The following MACF1 variants were observed in gnomAD, a reference collection of about 807,000 sequenced individuals.
MACF1 encodes microtubule-actin cross-linking factor 1.
A neutral mutation model predicts 854.8 loss-of-function variants in MACF1; 193 were observed. The ratio of observed to expected loss-of-function variants is 0.23; its 90% CI spans 0.20 to 0.25. The LOEUF is 0.25. Ranked by LOEUF, MACF1 falls within the 10% of genes least tolerant of loss-of-function variation. The pLI, the probability that MACF1 is intolerant of heterozygous loss-of-function variation, is 1.00. For synonymous variants in MACF1, 3,185 were observed against 3,226.7 expected, an observed-to-expected ratio of 0.99 and a Z score of 0.44; for missense variants, 7,722 against 8,929.1, an observed-to-expected ratio of 0.86 and a Z score of 5.45.
chr1:39,103,061 TG>T, intron 2 of MACF1: 1 of 664,668 alleles, frequency 1.5e-6, no homozygotes, highest in East Asian at 2.9e-5. Flanking sequence ...ATGCAAATTT[TG>T]TCAAGAAAGC....
At chr1:39,399,371 CTTTTT>C (rs1330401656) in intron 58 of MACF1, among the ~76,000 whole-genome samples, 1 of 96,744 alleles carries the variant, frequency 1.0e-5, no homozygotes, top group Non-Finnish European at 1.9e-5. Flanking sequence ...CTTTATAAAG[CTTTTT>C]TTTTTTTTTT....
rs777293053 is a variant in MACF1, at chr1:39,479,922, T to C, written c.22083T>C (p.Pro7361=). The C allele has an allele frequency of 4.3e-6, 7 of 1,614,108 alleles. No homozygotes were observed. In the African/African-American group the frequency reaches 9.3e-5, roughly 22 times the overall value. The change falls in exon 98 of 101, where the codon CCT becomes CCC. Residue 7361 remains proline, a synonymous_variant. Coordinates refer to ENST00000564288, the MANE Select transcript of MACF1 (RefSeq NM_001394062.1). ...RSKPSSRAAS[P]TRSSSSASQS... is the part of the protein sequence containing the mutation. ...AACCATCTTCCCGGGCAGCTTCCCCTACTCGTTCCAGCTCCAGTGCTAGTC... is the reference window on the plus strand; with the variant it reads ...AACCATCTTCCCGGGCAGCTTCCCCCACTCGTTCCAGCTCCAGTGCTAGTC...
intron 2 of MACF1, among the ~76,000 whole-genome samples, chr1:39,134,559 G>C (rs1366986034): frequency 6.6e-6 from 1 of 152,070 alleles, no homozygotes; most frequent in African/African-American, 2.4e-5. Context: ...GGGTCTTACT[G>C]GCTCTGTGGT....
At chr1:39,381,355 C>CAT in intron 55 of MACF1, among the ~76,000 whole-genome samples, 1 of 106,790 alleles carries the variant, frequency 9.4e-6, no homozygotes, top group African/African-American at 3.5e-5. Context: ...CCATGCCTGG[C>CAT]CTTTTTTTTT....
chr1:39,305,787 A>C (rs1048841057), intron 23 of MACF1, among the ~76,000 whole-genome samples: 1 of 152,198 alleles, frequency 6.6e-6, no homozygotes, highest in Non-Finnish European at 1.5e-5. Context: ...TCACACACAG[A>C]CAGCATATTC....
intron 2 of MACF1, among the ~76,000 whole-genome samples, chr1:39,175,868 A>C (rs1392976392): frequency 1.4e-5 from 2 of 147,316 alleles, no homozygotes; most frequent in Non-Finnish European, 3.0e-5. Context: ...GAGGCCAAGG[A>C]GGGTGGATCA....
Position 39,331,241 on chromosome 1 carries a change from A to G in MACF1, c.4653A>G (p.Thr1551=). 2 of 1,586,022 alleles carry G rather than the reference A, an allele frequency of 1.3e-6. No individual in the cohort carries two copies. The highest frequency in any genetic ancestry group is 2.3e-5 in the East Asian group (1 of 43,660). ...TTGCTGGGGTGATTGACCTAGGCAC[A>G]GTGGAGATATTTCCCATCTTCAAAG... ...RAVAGVIDLG[T]VEIFPIFKAM... is the part of the protein sequence containing the mutation. The change falls in exon 37 of 101, where the codon ACA becomes ACG. Residue 1551 remains threonine (T), a synonymous_variant. Transcript: ENST00000564288.
At position 39,197,656 on chromosome 1, in the gene MACF1, G is replaced by A. The variant is rs189636922; in HGVS notation, c.221-33526G>A. Among the ~76,000 whole-genome samples the A allele has an allele frequency of 1.9e-3, 295 of 152,176 alleles. 2 individuals carry two copies. The highest frequency in any genetic ancestry group is 6.9e-3 in the African/African-American group (285 of 41,488). ...CCAGCACTTTGGGAGGCAGAGGCGG[G>A]AGGGTCACTCTTAAGGCCAGGAGTT... On this transcript the variant is annotated intron_variant, in intron 2 of 93. Coordinates refer to the MACF1 transcript ENST00000361689.
chr1:39,451,436 A>G (rs1644339249), intron 85 of MACF1, among the ~76,000 whole-genome samples: 1 of 152,194 alleles, frequency 6.6e-6, no homozygotes, highest in Non-Finnish European at 1.5e-5. Flanking sequence ...ACTTCACTTC[A>G]AGGTTGCGCC....
At chr1:39,225,175 C>A (rs1380891723) in intron 1 of MACF1, among the ~76,000 whole-genome samples, 1 of 151,788 alleles carries the variant, frequency 6.6e-6, no homozygotes, top group Non-Finnish European at 1.5e-5. Context: ...CAGAATGAGA[C>A]CCTGTCTCAA....
chr1:39,382,980 G>A (rs575217320), intron 56 of MACF1, among the ~76,000 whole-genome samples: 6 of 152,178 alleles, frequency 3.9e-5, no homozygotes, highest in Non-Finnish European at 7.4e-5. Context: ...AATTAGCCGG[G>A]CGTGGTGGCA....
At chr1:39,396,530 T>C (rs1263485707) in intron 58 of MACF1, among the ~76,000 whole-genome samples, 1 of 152,154 alleles carries the variant, frequency 6.6e-6, no homozygotes, top group Non-Finnish European at 1.5e-5. Flanking sequence ...GATCGTTTAG[T>C]AGTTGATTAG....
chr1:39,094,064 C>T (rs1641878248), intron 2 of MACF1, among the ~76,000 whole-genome samples: 1 of 152,120 alleles, frequency 6.6e-6, no homozygotes, highest in African/African-American at 2.4e-5. Context: ...AGGCGTGAGC[C>T]ACGGTGCCCA....
intron 94 of MACF1, 198 bp from the exon 95 acceptor site, chr1:39,464,895 CAG>C: frequency 1.9e-6 from 1 of 515,644 alleles, no homozygotes; most frequent in Non-Finnish European, 3.4e-6. Flanking sequence ...GCCTGGGCAA[CAG>C]AGCGAGACTC....
intron 94 of MACF1, 150 bp from the exon 95 acceptor site, chr1:39,464,945 G>A: frequency 6.8e-6 from 5 of 739,260 alleles, no homozygotes; most frequent in Non-Finnish European, 1.2e-5. Flanking sequence ...ACATCCCTGT[G>A]GCAGGAGCTT....
chr1:39,265,773 T>A (rs1160459392), intron 6 of MACF1, among the ~76,000 whole-genome samples: 3 of 152,202 alleles, frequency 2.0e-5, no homozygotes, highest in Non-Finnish European at 4.4e-5. Flanking sequence ...ACCATCTATA[T>A]CTTAGGATCC....
At chr1:39,256,518 C>A (rs1394922218) in intron 5 of MACF1, among the ~76,000 whole-genome samples, 1 of 152,062 alleles carries the variant, frequency 6.6e-6, no homozygotes, top group Admixed American at 6.6e-5. Flanking sequence ...AGTTTCAGTT[C>A]AGTAGAAGAG....
At chr1:39,172,262 C>T (rs1188840965) in intron 2 of MACF1, among the ~76,000 whole-genome samples, 1 of 152,112 alleles carries the variant, frequency 6.6e-6, no homozygotes, top group Non-Finnish European at 1.5e-5. Flanking sequence ...TCCCCACTGC[C>T]TAGAATTCTC....
At position 39,300,347 on chromosome 1, in the gene MACF1, C is replaced by T; in HGVS notation, c.2619C>T (p.Asp873=). ...KNTISVKAVC[D]YRQIEITICK... ...CCATTTCTGTCAAGGCTGTCTGTGA[C>T]TACAGGCAGATCGAGGTGAGGAGGT... The change falls in exon 22 of 101, where the codon GAC becomes GAT. Residue 873 remains aspartate (D), a synonymous_variant. Transcript: ENST00000564288. 6.2e-7 allele frequency: 1 copy of T among 1,613,800 alleles called. No homozygotes were observed. Among genetic ancestry groups the T allele is most frequent in the Admixed American group, 1.7e-5 (1 of 59,992 alleles).
Sources: allele counts gnomAD v4.1 joint callset (sites outside exome capture counted in the v4.1 genomes callset), GRCh38; gene constraint gnomAD v4.1.1; transcripts MANE v1.5; gene names NCBI Gene and HGNC (gene_info 2026-07-23, HGNC 2026-07-21).